TACC2: variants seen among roughly 807,000 people sequenced by gnomAD.
TACC2 encodes transforming acidic coiled-coil containing protein 2, also known as transforming acidic coiled-coil-containing protein 2.
A neutral mutation model predicts 227.3 loss-of-function variants in TACC2; 137 were observed. The ratio of observed to expected loss-of-function variants is 0.60; its 90% CI spans 0.52 to 0.69. TACC2 has a LOEUF of 0.69. TACC2 is among the 30% of genes least tolerant of loss of function. The probability of loss-of-function intolerance (pLI) is 0.00; values close to 1 mark genes in which losing one functional copy is unlikely to be tolerated. For synonymous variants in TACC2, 1,523 were observed against 1,487.5 expected (o/e 1.02, Z -0.55); for missense variants, 3,470 against 3,694.4 (o/e 0.94, Z 1.57).
intron 7 of TACC2, among the ~76,000 whole-genome samples, chr10:122,152,298 G>T (rs1205201556): frequency 6.6e-6 from 1 of 152,184 alleles, no homozygotes; most frequent in East Asian, 1.9e-4. Flanking sequence ...GAAAGCCAAT[G>T]AATAAAATCA....
At chr10:122,088,640 T>C (rs1324181289) in intron 5 of TACC2, 49 bp downstream of exon 5, 16 of 1,588,152 alleles carry the variant, frequency 1.0e-5, no homozygotes, top group Non-Finnish European at 1.4e-5. Context: ...CTTCCTTAGA[T>C]ACAGACACAC....
intron 14 of TACC2, 91 bp downstream of exon 14, chr10:122,228,099 A>G: frequency 7.3e-7 from 1 of 1,364,166 alleles, no homozygotes; most frequent in Non-Finnish European, 1.0e-6. Context: ...TCAGAGCAAC[A>G]CTCACCTGGC....
In TACC2 at chr10:122,180,132, A is replaced by T. The variant is rs1399236094; in HGVS notation, c.5835-14908A>T. ...CCCCGTGTAACCCTCAGTGGCTTTCAGACTCCTCATGGGTCTCAGCGAGGC... is the reference window on the plus strand; with the variant it reads ...CCCCGTGTAACCCTCAGTGGCTTTCTGACTCCTCATGGGTCTCAGCGAGGC... On this transcript the variant is annotated intron_variant, in intron 7 of 22. Transcript: ENST00000369005. This position sits in a 1 kb window ranked among gnomAD's most constrained non-coding sequence, Gnocchi z 4.5. Among the ~76,000 whole-genome samples the T allele has an allele frequency of 6.6e-6, 1 of 151,970 alleles. No individual in the cohort carries two copies. Among genetic ancestry groups the T allele is most frequent in the Non-Finnish European group, 1.5e-5 (1 of 68,006 alleles).
chr10:122,136,626 C>G (rs1194999799), intron 6 of TACC2, among the ~76,000 whole-genome samples: 1 of 151,570 alleles, frequency 6.6e-6, no homozygotes, highest in Non-Finnish European at 1.5e-5. Flanking sequence ...AGTCTGGGCT[C>G]ACTGCAAACT....
At chr10:122,247,433 G>A (rs2096149288) in intron 19 of TACC2, 1 of 152,224 alleles carries the variant, frequency 6.6e-6, no homozygotes. Context: ...CCACTCTGCT[G>A]TCACCAAGAG....
At chr10:122,124,034 G>A (rs1460796725) in intron 5 of TACC2, among the ~76,000 whole-genome samples, 17 of 152,026 alleles carry the variant, frequency 1.1e-4, no homozygotes, top group Admixed American at 6.6e-5. Flanking sequence ...GGCTGGTCTC[G>A]AACTCCTGGC....
chr10:122,238,085 G>A, intron 18 of TACC2, 48 bp downstream of exon 18: 1 of 1,498,482 alleles, frequency 6.7e-7, no homozygotes, highest in Non-Finnish European at 9.3e-7. Flanking sequence ...ATACTTACCT[G>A]TGGTTTAATA....
intron 5 of TACC2, among the ~76,000 whole-genome samples, chr10:122,115,041 C>T (rs1221082900): frequency 5.3e-5 from 8 of 152,366 alleles, no homozygotes; most frequent in East Asian, 1.9e-4. Context: ...AACCCCAGAC[C>T]GCAGACACTT....
rs756335605 is a variant in TACC2 at position 122,087,042 on chromosome 10, G to T, written c.4542G>T (p.Val1514=). 5.6e-6 allele frequency: 9 copies of T among 1,613,674 alleles called. No homozygotes were observed. The African/African-American group carries it at 1.2e-4, about 22-fold the overall frequency. Residue 1514 remains valine (V), a synonymous_variant, in exon 4 of 23, where the codon GTG becomes GTT. Coordinates refer to ENST00000369005, the MANE Select transcript of TACC2 (RefSeq NM_206862.4). ...TWERNLPGAG[V]GKEMAGVPPT... is the part of the protein sequence containing the mutation. ...AGCGGAACTTGCCAGGTGCCGGTGT[G>T]GGGAAGGAGATGGCAGGTGTCCCAC...
intron 7 of TACC2, among the ~76,000 whole-genome samples, chr10:122,151,757 C>G (rs1228156381): frequency 6.6e-6 from 1 of 152,146 alleles, no homozygotes; most frequent in Admixed American, 6.5e-5. Context: ...GTGGCCTGAA[C>G]TAAAGCAGTG....
chr10:122,158,357 C>T (rs572771318), intron 7 of TACC2, among the ~76,000 whole-genome samples: 1 of 151,968 alleles, frequency 6.6e-6, no homozygotes, highest in South Asian at 2.1e-4. Flanking sequence ...CCACTGCACT[C>T]CAGCCTGGGC....
At position 122,204,472 on chromosome 10, in the gene TACC2, G is replaced by A. The variant is rs1593311457; in HGVS notation, c.5972-5925G>A. Among the ~76,000 whole-genome samples, 4 of 152,306 alleles carry A rather than the reference G, an allele frequency of 2.6e-5. No homozygotes were observed. The South Asian group carries it at 8.3e-4, about 32-fold the overall frequency. ...AGCACCCCAGCAGGACAACAGGTGG[G>A]GATGTGGCAAGGAAAGCTGCTCATC... is the stretch of plus-strand genomic sequence containing the variant. On this transcript the variant is annotated intron_variant, in intron 8 of 22. Coordinates refer to ENST00000369005, the MANE Select transcript of TACC2 (RefSeq NM_206862.4).
At chr10:122,249,485 A>G in intron 21 of TACC2, 59 bp from the exon 22 acceptor site, 1 of 1,586,818 alleles carries the variant, frequency 6.3e-7, no homozygotes. Flanking sequence ...CCTGGGAAGC[A>G]GGAGGTGTCT....
At chr10:121,992,792 T>A (rs910174919) in intron 1 of TACC2, among the ~76,000 whole-genome samples, 1 of 151,564 alleles carries the variant, frequency 6.6e-6, no homozygotes, top group Non-Finnish European at 1.5e-5. Context: ...CCGTCTCTAC[T>A]AAAATACAAA....
chr10:122,032,724 C>A (rs1959135802), intron 2 of TACC2, among the ~76,000 whole-genome samples: 1 of 152,132 alleles, frequency 6.6e-6, no homozygotes, highest in South Asian at 2.1e-4. Context: ...CTTTGGGAGA[C>A]CGAGGTGGGT....
chr10:122,207,292 A>G (rs1593343511), intron 8 of TACC2, among the ~76,000 whole-genome samples: 1 of 148,934 alleles, frequency 6.7e-6, no homozygotes, highest in East Asian at 2.0e-4. Flanking sequence ...GAATGGGACT[A>G]TTTCAAAAAA....
intron 19 of TACC2, among the ~76,000 whole-genome samples, chr10:122,244,768 C>T (rs2096073423): frequency 6.6e-6 from 1 of 152,156 alleles, no homozygotes; most frequent in South Asian, 2.1e-4. Flanking sequence ...AAACCAGCTC[C>T]AGCCCACATG....
At chr10:122,091,527 C>G (rs535962834) in intron 5 of TACC2, among the ~76,000 whole-genome samples, 1 of 152,150 alleles carries the variant, frequency 6.6e-6, no homozygotes, top group Non-Finnish European at 1.5e-5. Flanking sequence ...TTGGCCTTCC[C>G]TGTGCTTTAG....
At chr10:122,241,889 C>T (rs2141731837) in intron 18 of TACC2, 69 bp from the exon 19 acceptor site, 3 of 1,434,396 alleles carry the variant, frequency 2.1e-6, no homozygotes, top group Admixed American at 1.7e-5. Context: ...CAGGCTGTGG[C>T]GTCCAGCTGT....
Sources: allele counts gnomAD v4.1 joint callset (sites outside exome capture counted in the v4.1 genomes callset), GRCh38; gene constraint gnomAD v4.1.1; non-coding constraint Gnocchi (gnomAD v3.1); transcripts MANE v1.5; gene names NCBI Gene and HGNC (gene_info 2026-07-23, HGNC 2026-07-21).